Variants in KITLG observed in about 807,000 individuals in gnomAD.
KITLG encodes the protein KIT ligand.
KITLG carries 13 observed loss-of-function variants against 34.1 expected under a neutral mutation model. The observed-to-expected ratio is 0.38, with a 90% CI of 0.25 to 0.61. KITLG has a LOEUF of 0.61. Ranked by LOEUF, KITLG falls within the 20% of genes least tolerant of loss-of-function variation. The probability of loss-of-function intolerance (pLI) is 0.60; values close to 1 mark genes in which losing one functional copy is unlikely to be tolerated. For synonymous variants in KITLG, 110 were observed against 104.0 expected (o/e 1.06, Z -0.35); for missense variants, 292 against 318.9 (o/e 0.92, Z 0.64).
At position 88,511,818 on chromosome 12, in the gene KITLG, T is replaced by C. The variant is rs576734307; in HGVS notation, c.604+3716A>G. On this transcript the variant is annotated intron_variant, in intron 6 of 9. Coordinates refer to ENST00000644744, the MANE Select transcript of KITLG (RefSeq NM_000899.5). ...CTTTACAGATATCTCAGATATTCCA[T>C]GCCTTAGGAATAAGGCTACTTTCCC... Among the ~76,000 whole-genome samples, 6 of 152,290 alleles carry C rather than the reference T, an allele frequency of 3.9e-5. No individual in the cohort carries two copies. In the East Asian group the frequency reaches 1.2e-3, roughly 29 times the overall value.
chr12:88,580,292 G>C lies in KITLG; in HGVS notation c.-14C>G, dbSNP rs760559687. 5 of 1,611,006 alleles carry C rather than the reference G, an allele frequency of 3.1e-6. No individual in the cohort carries two copies. The Admixed American group carries it at 6.7e-5, about 22-fold the overall frequency. ...TGTCTTCTTCATAAGGAAAGGCAGC[G>C]CTGCGATCCAGCACAAACAGTGGTG... On this transcript the variant is annotated 5_prime_UTR_variant, in exon 1 of 10. Transcript: ENST00000644744.
At chr12:88,513,860 A>G (rs1869365676) in intron 6 of KITLG, among the ~76,000 whole-genome samples, 1 of 151,728 alleles carries the variant, frequency 6.6e-6, no homozygotes, top group Non-Finnish European at 1.5e-5. Context: ...AATAAAAATT[A>G]GACAAAAAGC....
At chr12:88,566,858 C>T (rs1449232687) in intron 1 of KITLG, among the ~76,000 whole-genome samples, 1 of 152,138 alleles carries the variant, frequency 6.6e-6, no homozygotes, top group Non-Finnish European at 1.5e-5. Context: ...ATAGGATCTA[C>T]CCCTACATTT....
intron 1 of KITLG, among the ~76,000 whole-genome samples, chr12:88,559,096 T>C (rs1378814650): frequency 2.6e-5 from 4 of 152,120 alleles, no homozygotes; most frequent in African/African-American, 9.7e-5. Context: ...ATAAGAAAAG[T>C]TAAGTGTATT....
intron 1 of KITLG, among the ~76,000 whole-genome samples, chr12:88,567,015 C>T (rs1305396168): frequency 6.6e-6 from 1 of 152,152 alleles, no homozygotes; most frequent in Non-Finnish European, 1.5e-5. Flanking sequence ...CACAAATCTT[C>T]AGGGAAAAGT....
In KITLG at chr12:88,548,435, A is replaced by G. The variant is rs188329167; in HGVS notation, c.16-2570T>C. 2.4e-3 allele frequency among the ~76,000 whole-genome samples: 352 copies of G among 145,930 alleles called. 1 individual carries two copies. Among genetic ancestry groups the G allele is most frequent in the Middle Eastern group, 3.6e-3 (1 of 274 alleles). ...CGCCACTGCACTCTAGCCTGGCGAC[A>G]AAAGCTAGACTACATCACCAAAAAA... is the stretch of plus-strand genomic sequence containing the variant. On this transcript the variant is annotated intron_variant, in intron 1 of 9. Coordinates refer to ENST00000644744, the MANE Select transcript of KITLG (RefSeq NM_000899.5).
chr12:88,565,239 C>A (rs1369280099), intron 1 of KITLG, among the ~76,000 whole-genome samples: 1 of 152,118 alleles, frequency 6.6e-6, no homozygotes, highest in Non-Finnish European at 1.5e-5. Flanking sequence ...AAATTGTTAA[C>A]AGAATTTTAA....
intron 1 of KITLG, among the ~76,000 whole-genome samples, chr12:88,573,921 G>A (rs1251560203): frequency 6.6e-6 from 1 of 152,158 alleles, no homozygotes; most frequent in Non-Finnish European, 1.5e-5. Context: ...CTGGAACACA[G>A]AAAAGGCTAC....
chr12:88,508,144 G>A (rs948557601), intron 6 of KITLG, among the ~76,000 whole-genome samples: 5 of 151,706 alleles, frequency 3.3e-5, no homozygotes, highest in Admixed American at 2.6e-4. Flanking sequence ...CCGAGATCAT[G>A]TCACTGCACT....
chr12:88,494,061 G>C lies in KITLG; in HGVS notation c.*3158C>G, dbSNP rs1868512508. The C allele has an allele frequency of 6.6e-6, 1 of 151,702 alleles. No individual in the cohort carries two copies. The highest frequency in any genetic ancestry group is 1.5e-5 in the Non-Finnish European group (1 of 67,798). 9.4% of individuals were successfully genotyped at this position (151,702 alleles called of 1,614,324 possible). ...CTTCTTTGTCGGTCATATTGCAATA[G>C]GACTCACCCCTAAGGAGTGATCTCT... On this transcript the variant is annotated 3_prime_UTR_variant, in exon 10 of 10. Coordinates refer to ENST00000644744, the MANE Select transcript of KITLG (RefSeq NM_000899.5).
intron 1 of KITLG, among the ~76,000 whole-genome samples, chr12:88,553,006 G>T (rs187534409): frequency 6.6e-6 from 1 of 152,162 alleles, no homozygotes; most frequent in Non-Finnish European, 1.5e-5. Context: ...TATGGGCTTT[G>T]CATCGGCTAG....
At chr12:88,539,248 C>T (rs1230570885) in intron 2 of KITLG, among the ~76,000 whole-genome samples, 1 of 152,138 alleles carries the variant, frequency 6.6e-6, no homozygotes, top group Non-Finnish European at 1.5e-5. Flanking sequence ...ACTTGTTATG[C>T]TGTCTCTCCC....
intron 2 of KITLG, among the ~76,000 whole-genome samples, chr12:88,541,466 G>A (rs548055003): frequency 1.1e-4 from 16 of 152,164 alleles, no homozygotes; most frequent in Middle Eastern, 6.8e-3. Context: ...AAACAAAGTC[G>A]TCACAAACAA....
At chr12:88,543,706 A>T (rs1047486221) in intron 2 of KITLG, among the ~76,000 whole-genome samples, 1 of 152,148 alleles carries the variant, frequency 6.6e-6, no homozygotes, top group Non-Finnish European at 1.5e-5. Flanking sequence ...TCACCATTAA[A>T]ATTCCCAGAT....
chr12:88,573,628 A>G (rs1871730172), intron 1 of KITLG, among the ~76,000 whole-genome samples: 1 of 152,188 alleles, frequency 6.6e-6, no homozygotes, highest in Non-Finnish European at 1.5e-5. Context: ...CACAGGGCTT[A>G]TGTTCAGCAG....
chr12:88,555,988 AC>A (rs1871084820), intron 1 of KITLG, among the ~76,000 whole-genome samples: 1 of 151,894 alleles, frequency 6.6e-6, no homozygotes, highest in South Asian at 2.1e-4. Flanking sequence ...GCTAAACCTG[AC>A]TTGGGGAGGG....
chr12:88,533,472 A>T (rs1870180747), intron 2 of KITLG, among the ~76,000 whole-genome samples: 1 of 152,196 alleles, frequency 6.6e-6, no homozygotes, highest in African/African-American at 2.4e-5. Flanking sequence ...CTAGTAAGTT[A>T]CAGAGTTCTA....
At chr12:88,568,872 G>A (rs1420537613) in intron 1 of KITLG, among the ~76,000 whole-genome samples, 1 of 152,112 alleles carries the variant, frequency 6.6e-6, no homozygotes, top group Non-Finnish European at 1.5e-5. Context: ...AACAAGAGAA[G>A]GAAGCTGCAA....
intron 1 of KITLG, among the ~76,000 whole-genome samples, chr12:88,556,252 T>C (rs2120939536): frequency 6.7e-6 from 1 of 148,286 alleles, no homozygotes; most frequent in Middle Eastern, 3.7e-3. Flanking sequence ...TAGAGAGATA[T>C]GCAGAGGCCC....
Sources: gnomAD v4.1 joint callset for allele counts (sites outside exome capture counted in the v4.1 genomes callset) on GRCh38, gnomAD v4.1.1 for gene constraint, MANE v1.5 for transcripts, NCBI Gene and HGNC (gene_info 2026-07-23, HGNC 2026-07-21) for gene names.